Variants in CPAMD8 observed in about 807,000 individuals in gnomAD.
The protein encoded by CPAMD8 is C3 and PZP-like alpha-2-macroglobulin domain-containing protein 8.
A neutral mutation model predicts 224.7 loss-of-function variants in CPAMD8; 146 were observed. The observed-to-expected ratio is 0.65, with a 90% CI of 0.57 to 0.75. The LOEUF (loss-of-function observed/expected upper bound fraction) is 0.75, where lower values mean the gene tolerates loss of function less well. Among genes scored for constraint, CPAMD8 ranks in the 30% least tolerant of loss-of-function variants. The pLI is 0.00. For missense variants in CPAMD8, 2,301 were observed against 2,537.5 expected (o/e 0.91, Z 2.00); for synonymous variants, 966 against 1,044.6 (o/e 0.92, Z 1.45).
In CPAMD8 at chr19:16,959,513, T is replaced by A. The variant is rs141645310; in HGVS notation, c.2214-1598A>T. Among the ~76,000 whole-genome samples, 256 of 152,072 alleles carry A rather than the reference T, an allele frequency of 1.7e-3. 2 individuals carry two copies. The Middle Eastern group carries it at 0.017, about 10-fold the overall frequency. On this transcript the variant is annotated intron_variant, in intron 18 of 41. Coordinates refer to ENST00000443236, the MANE Select transcript of CPAMD8 (RefSeq NM_015692.5). Reference sequence around the variant, plus strand: ...TCTAGTTCAGTGACATTGAGGTTTTTTTCATATGCTTGTTGGCTGCACGTA... The same window carrying A: ...TCTAGTTCAGTGACATTGAGGTTTTATTCATATGCTTGTTGGCTGCACGTA...
At chr19:16,970,852 C>T in intron 18 of CPAMD8, 39 bp downstream of exon 18, 2 of 1,602,120 alleles carry the variant, frequency 1.2e-6, no homozygotes, top group African/African-American at 1.3e-5. Flanking sequence ...GTTAATAGGA[C>T]CAGGGTTAGA....
At chr19:16,947,977 T>C (rs1430775848) in intron 20 of CPAMD8, among the ~76,000 whole-genome samples, 1 of 152,220 alleles carries the variant, frequency 6.6e-6, no homozygotes, top group Non-Finnish European at 1.5e-5. Context: ...GTATCATGCA[T>C]GTACATGTGC....
intron 22 of CPAMD8, among the ~76,000 whole-genome samples, chr19:16,940,271 G>A (rs1174975876): frequency 6.6e-6 from 1 of 152,202 alleles, no homozygotes; most frequent in Non-Finnish European, 1.5e-5. Flanking sequence ...ATAAGCGCAT[G>A]AGCCAGTACC....
chr19:16,996,128 C>T (rs749838334), intron 11 of CPAMD8, among the ~76,000 whole-genome samples: 34 of 151,932 alleles, frequency 2.2e-4, no homozygotes, highest in East Asian at 9.7e-4. Context: ...CCAGCCTGGG[C>T]GACAGAGCGA....
Position 16,949,007 on chromosome 19 carries a change from GAA to G in CPAMD8, c.2509-1782_2509-1781del, listed in dbSNP as rs1226136292. ...AGAAAAGAAAGAAAGAGAGAGAAAA[GAA>G]AAGAAAGAAAGAAAAGAAAGAAAGA... On this transcript the variant is annotated intron_variant, in intron 20 of 41. Transcript: ENST00000443236. Among the ~76,000 whole-genome samples, 3 of 116,620 alleles carry G rather than the reference GAA, an allele frequency of 2.6e-5. No homozygotes were observed. In the East Asian group the frequency reaches 8.4e-4, roughly 33 times the overall value. 76.5% of individuals were successfully genotyped at this position (116,620 alleles called of 152,430 possible).
intron 20 of CPAMD8, among the ~76,000 whole-genome samples, chr19:16,947,552 A>T (rs529779932): frequency 1.3e-5 from 2 of 152,188 alleles, no homozygotes; most frequent in East Asian, 3.9e-4. Flanking sequence ...CTGCATGTCC[A>T]TCCACTCCGG....
chr19:16,906,615 G>A (rs560248853), intron 30 of CPAMD8, among the ~76,000 whole-genome samples: 1 of 151,828 alleles, frequency 6.6e-6, no homozygotes, highest in African/African-American at 2.4e-5. Context: ...TATTGGCCCG[G>A]CTGGTCTCGA....
At position 16,957,928 on chromosome 19, in the gene CPAMD8, A is replaced by AACGATTAAG; in HGVS notation, c.2214-14_2214-13insCTTAATCGT. On this transcript the variant is annotated splice_polypyrimidine_tract_variant and intron_variant, in intron 18 of 41. Transcript: ENST00000443236. ...TCTCTTCTCTGTTCTATGAAAAGAA[A>AACGATTAAG]AAAAGAAACGATTAAGGTTTCATGA... 6.8e-6 allele frequency: 11 copies of AACGATTAAG among 1,610,534 alleles called. No homozygotes were observed. Among genetic ancestry groups the AACGATTAAG allele is most frequent in the Non-Finnish European group, 9.3e-6 (11 of 1,178,174 alleles).
At chr19:17,022,327 C>T (rs2056981558) in intron 1 of CPAMD8, 146 bp from the exon 2 acceptor site, 2 of 844,972 alleles carry the variant, frequency 2.4e-6, no homozygotes, top group Non-Finnish European at 3.6e-6. Context: ...GGAGTCTGTG[C>T]CCCCCCATCA....
At chr19:16,936,409 G>GT (rs930561329) in intron 23 of CPAMD8, among the ~76,000 whole-genome samples, 3 of 151,696 alleles carry the variant, frequency 2.0e-5, no homozygotes, top group African/African-American at 4.8e-5. Flanking sequence ...TTGTTTGTTT[G>GT]TTGTTGTTGT....
In CPAMD8 at chr19:16,906,973, G is replaced by C. The variant is rs752813564; in HGVS notation, c.4006C>G (p.Arg1336Gly). Residue 1336 changes from arginine (R) to glycine (G), a missense_variant, in exon 30 of 42, where the codon CGT becomes GGT. Arg to Gly is a moderately radical substitution (Grantham distance 125, BLOSUM62 -2). Around this residue, in one of 4 missense-constraint regions of CPAMD8, gnomAD observed 1,709 missense variants for 1,753.2 expected, o/e 0.97. Transcript: ENST00000443236. ...PAAPEALRKL[R>G]SLAIMRDGVT... Reference sequence around the variant, plus strand: ...CTACCTCGCATGATGGCCAGGCTACGGAGCTTGCGCAGTGCCTCAGGGGCT... The same window carrying C: ...CTACCTCGCATGATGGCCAGGCTACCGAGCTTGCGCAGTGCCTCAGGGGCT... 3 of 1,593,976 alleles carry C rather than the reference G, an allele frequency of 1.9e-6. No individual in the cohort carries two copies. The South Asian group carries it at 3.4e-5, about 18-fold the overall frequency.
At chr19:16,985,599 GGATGGATGGAT>G (rs1439859464) in intron 13 of CPAMD8, among the ~76,000 whole-genome samples, 2 of 150,206 alleles carry the variant, frequency 1.3e-5, no homozygotes, top group African/African-American at 4.9e-5. Context: ...GAGAGTAAAT[GGATGGATGGAT>G]GATGGATGGA....
intron 29 of CPAMD8, among the ~76,000 whole-genome samples, chr19:16,908,029 T>C (rs1023534796): frequency 5.3e-5 from 8 of 152,156 alleles, no homozygotes; most frequent in African/African-American, 1.9e-4. Context: ...CTGGCCACCC[T>C]GTCCCACCCA....
At chr19:16,896,700 CCTGAACCTTGCCCGCGCCCCCACA>C (rs1282384281) in intron 39 of CPAMD8, 35 bp from the exon 40 acceptor site, 20 of 1,342,614 alleles carry the variant, frequency 1.5e-5, no homozygotes, top group Non-Finnish European at 1.9e-5. Flanking sequence ...GACCCCCCAC[CCTGAACCTTGCCCGCGCCCCCACA>C]GAACCTGGGG....
Position 16,896,609 on chromosome 19 carries a change from C to G in CPAMD8, c.5122G>C (p.Ala1708Pro), listed in dbSNP as rs1209666147. 6.6e-7 allele frequency: 1 copy of G among 1,505,988 alleles called. No homozygotes were observed. 93.3% of individuals were successfully genotyped at this position (1,505,988 alleles called of 1,614,324 possible). The part of the protein sequence containing the change: ...AVAPEEGAAI[A>P]RCGCDHDCGA... ...CAGTCGTGGTCGCAGCCGCATCGCG[C>G]GATCGCCGCCCCCTCCTCAGGGGCC... The change falls in exon 40 of 42, where the codon GCG becomes CCG. Residue 1708 changes from alanine to proline, a missense_variant. Physicochemically the swap from Ala to Pro is conservative, Grantham distance 27 (BLOSUM62 -1). Transcript: ENST00000443236.
At chr19:16,905,890 G>A (rs1209140594) in intron 30 of CPAMD8, among the ~76,000 whole-genome samples, 1 of 152,126 alleles carries the variant, frequency 6.6e-6, no homozygotes, top group Non-Finnish European at 1.5e-5. Context: ...TCCCAGTGGG[G>A]TGATGATTTT....
At chr19:16,985,634 A>C (rs2055693337) in intron 13 of CPAMD8, among the ~76,000 whole-genome samples, 1 of 145,198 alleles carries the variant, frequency 6.9e-6, no homozygotes, top group African/African-American at 2.6e-5. Context: ...AGGGAGGCGC[A>C]GAGGGAGGGT....
At chr19:17,009,354 T>A in intron 5 of CPAMD8, 34 bp from the exon 6 acceptor site, 1 of 1,613,984 alleles carries the variant, frequency 6.2e-7, no homozygotes, top group Non-Finnish European at 8.5e-7. Flanking sequence ...TGAGCAAATC[T>A]TCCAGCAAAC....
In CPAMD8 at chr19:16,991,854, C is replaced by CAA. The variant is rs201607210; in HGVS notation, c.1266+1560_1266+1561dup. 2.4e-3 allele frequency among the ~76,000 whole-genome samples: 340 copies of CAA among 144,544 alleles called. 2 individuals carry two copies. Among genetic ancestry groups the CAA allele is most frequent in the Middle Eastern group, 0.011 (3 of 280 alleles). The allele number at this position is 144,544 out of a possible 152,430, so 94.8% of individuals were successfully genotyped here. A position where few individuals can be genotyped will look rare whatever the true frequency, so the allele number is the denominator to read the frequency against. ...TGGGCGACAGAGCAAGACTCTGTAT[C>CAA]AAAAAAAAAAAACAACAGAACAGTG... is the stretch of plus-strand genomic sequence containing the variant. On this transcript the variant is annotated intron_variant, in intron 12 of 41. Transcript: ENST00000443236.
Sources: allele counts gnomAD v4.1 joint callset (sites outside exome capture counted in the v4.1 genomes callset), GRCh38; gene constraint gnomAD v4.1.1; regional missense constraint gnomAD v4.1.1; transcripts MANE v1.5; gene names NCBI Gene and HGNC (gene_info 2026-07-23, HGNC 2026-07-21).